The following RHBDL3 variants were observed in gnomAD, a reference collection of about 807,000 sequenced individuals.
The protein encoded by RHBDL3 is rhomboid like 3.
In RHBDL3, 28 loss-of-function variants were observed where a neutral mutation model predicts 48.2. The observed-to-expected ratio is 0.58, with a 90% CI of 0.43 to 0.80. The LOEUF is 0.80. RHBDL3 is among the 30% of genes least tolerant of loss of function. RHBDL3 has a pLI of 0.00. For missense variants in RHBDL3, 464 were observed against 542.7 expected (o/e 0.85, Z 1.44); for synonymous variants, 208 against 232.3 (o/e 0.90, Z 0.95).
chr17:32,266,349 G>A (rs1370789069), intron 1 of RHBDL3, 49 bp downstream of exon 1: 5 of 1,028,828 alleles, frequency 4.9e-6, no homozygotes, highest in South Asian at 1.7e-5. Context: ...GCGCCGGGGG[G>A]AAAAGCCGCC....
intron 8 of RHBDL3, among the ~76,000 whole-genome samples, chr17:32,318,033 A>T (rs1597697665): frequency 2.0e-5 from 3 of 147,688 alleles, no homozygotes; most frequent in Admixed American, 6.8e-5. Context: ...ATATAGCAAG[A>T]CCTTGTCTCT....
intron 8 of RHBDL3, among the ~76,000 whole-genome samples, chr17:32,319,110 G>C (rs935176529): frequency 2.0e-5 from 3 of 151,166 alleles, no homozygotes; most frequent in East Asian, 1.9e-4. Flanking sequence ...AGAGAAGCAC[G>C]AGTCTTGTTG....
At chr17:32,299,321 G>A (rs1390008376) in intron 6 of RHBDL3, among the ~76,000 whole-genome samples, 1 of 152,176 alleles carries the variant, frequency 6.6e-6, no homozygotes, top group Non-Finnish European at 1.5e-5. Flanking sequence ...TGGCCTGGGA[G>A]ATTCACCCTG....
intron 2 of RHBDL3, among the ~76,000 whole-genome samples, chr17:32,270,799 G>A (rs569471177): frequency 3.7e-4 from 56 of 152,220 alleles, no homozygotes; most frequent in African/African-American, 1.3e-3. Context: ...TGAGGGAATC[G>A]TCTTTTCATA....
chr17:32,277,127 G>T (rs1024940746), intron 2 of RHBDL3, among the ~76,000 whole-genome samples: 1 of 152,208 alleles, frequency 6.6e-6, no homozygotes, highest in African/African-American at 2.4e-5. Flanking sequence ...GACTCAAGAG[G>T]TCTTTACCCC....
At chr17:32,318,527 T>C (rs560568571) in intron 8 of RHBDL3, among the ~76,000 whole-genome samples, 1 of 147,762 alleles carries the variant, frequency 6.8e-6, no homozygotes, top group Admixed American at 6.7e-5. Flanking sequence ...TCTCATCCAG[T>C]CCTCCAAACC....
At chr17:32,270,650 A>G (rs570479725) in intron 2 of RHBDL3, among the ~76,000 whole-genome samples, 1 of 152,124 alleles carries the variant, frequency 6.6e-6, no homozygotes, top group South Asian at 2.1e-4. Flanking sequence ...GAGTGTTAGC[A>G]GGGCCAATCC....
chr17:32,308,504 C>T (rs2040762472), intron 7 of RHBDL3, among the ~76,000 whole-genome samples: 1 of 152,136 alleles, frequency 6.6e-6, no homozygotes, highest in East Asian at 1.9e-4. Context: ...CCTGTGGTTC[C>T]AGCTACTCTG....
At chr17:32,287,716 C>T (rs1176765267) in intron 3 of RHBDL3, among the ~76,000 whole-genome samples, 1 of 152,180 alleles carries the variant, frequency 6.6e-6, no homozygotes, top group Non-Finnish European at 1.5e-5. Context: ...AGCCTGATGT[C>T]TACTGCTGGG....
chr17:32,287,920 G>T (rs2040235265), intron 3 of RHBDL3, among the ~76,000 whole-genome samples: 1 of 152,240 alleles, frequency 6.6e-6, no homozygotes, highest in South Asian at 2.1e-4. Context: ...TGGTCTCCGA[G>T]TCAGGCTGAC....
At chr17:32,274,016 G>T (rs184797881) in intron 2 of RHBDL3, among the ~76,000 whole-genome samples, 30 of 152,362 alleles carry the variant, frequency 2.0e-4, no homozygotes, top group Admixed American at 1.3e-4. Context: ...GATTGCAGGC[G>T]TGAGCCACCG....
At chr17:32,288,567 G>A (rs1280487358) in intron 3 of RHBDL3, among the ~76,000 whole-genome samples, 1 of 152,134 alleles carries the variant, frequency 6.6e-6, no homozygotes, top group East Asian at 1.9e-4. Context: ...CTTATCTAAC[G>A]GGAAGACTGG....
intron 2 of RHBDL3, among the ~76,000 whole-genome samples, chr17:32,281,915 G>T (rs925870195): frequency 3.9e-5 from 6 of 152,214 alleles, no homozygotes; most frequent in African/African-American, 1.4e-4. Flanking sequence ...CCATGGCTTA[G>T]AGGAGTGCTC....
chr17:32,266,334 A>C, intron 1 of RHBDL3, 34 bp downstream of exon 1: 3 of 1,218,644 alleles, frequency 2.5e-6, no homozygotes, highest in Non-Finnish European at 3.3e-6. Context: ...CAAACTTTCT[A>C]GGGGGCGCCG....
intron 6 of RHBDL3, among the ~76,000 whole-genome samples, chr17:32,299,928 C>T (rs2040543827): frequency 6.6e-6 from 1 of 152,212 alleles, no homozygotes; most frequent in Non-Finnish European, 1.5e-5. Flanking sequence ...CTACCCTTTC[C>T]TGTCCTCCCA....
At chr17:32,279,263 T>C (rs1378416687) in intron 2 of RHBDL3, among the ~76,000 whole-genome samples, 1 of 152,154 alleles carries the variant, frequency 6.6e-6, no homozygotes, top group Non-Finnish European at 1.5e-5. Flanking sequence ...TTTCCACACA[T>C]ATCAGCCCTT....
chr17:32,280,048 C>G (rs1159358351), intron 2 of RHBDL3, among the ~76,000 whole-genome samples: 1 of 152,156 alleles, frequency 6.6e-6, no homozygotes, highest in Non-Finnish European at 1.5e-5. Flanking sequence ...ACGCTGGGTG[C>G]TGGTGCGATT....
chr17:32,285,012 C>T (rs927781769), intron 3 of RHBDL3, among the ~76,000 whole-genome samples, 195 bp downstream of exon 3: 3 of 152,234 alleles, frequency 2.0e-5, no homozygotes, highest in Non-Finnish European at 4.4e-5. Context: ...GCAGTGTCAG[C>T]CCATCCTCAA....
intron 6 of RHBDL3, among the ~76,000 whole-genome samples, chr17:32,299,211 G>T (rs991485952): frequency 2.6e-5 from 4 of 152,174 alleles, no homozygotes; most frequent in African/African-American, 9.7e-5. Context: ...TAAACAACAG[G>T]CAGGCAGGGA....
Sources: gnomAD v4.1 joint callset for allele counts (sites outside exome capture counted in the v4.1 genomes callset) on GRCh38, gnomAD v4.1.1 for gene constraint, MANE v1.5 for transcripts, NCBI Gene and HGNC (gene_info 2026-07-23, HGNC 2026-07-21) for gene names.